The following GRK4 variants were observed in gnomAD, a reference collection of about 807,000 sequenced individuals.
GRK4 encodes the protein G protein-coupled receptor kinase 2-like.
GRK4 carries 73 observed loss-of-function variants against 77.9 expected under a neutral mutation model. The ratio of observed to expected loss-of-function variants is 0.94; its 90% CI spans 0.78 to 1.14. The LOEUF (loss-of-function observed/expected upper bound fraction) is 1.14, where lower values mean the gene tolerates loss of function less well. Among genes scored for constraint, GRK4 ranks in the 50% most tolerant of loss-of-function variants. The pLI, the probability that GRK4 is intolerant of heterozygous loss-of-function variation, is 0.00. For synonymous variants in GRK4, 257 were observed against 254.4 expected (o/e 1.01, Z -0.10); for missense variants, 729 against 700.2 (o/e 1.04, Z -0.46).
chr4:3,014,554 G>T (rs1733904885), intron 8 of GRK4, among the ~76,000 whole-genome samples: 1 of 152,018 alleles, frequency 6.6e-6, no homozygotes, highest in African/African-American at 2.4e-5. Context: ...ACCACTTAGG[G>T]AGGCCAAGGA....
rs1723718311 is a variant in GRK4 at position 2,984,539 on chromosome 4, A to G, written c.79A>G (p.Ser27Gly). ...AGGATATGGCAAAAAAAGTGGTCGT[A>G]GTAAAAAATGGAAGGAGATACTGAC... The part of the protein sequence containing the change: ...QGGYGKKSGR[S>G]KKWKEILTLP... Residue 27 changes from serine to glycine, a missense_variant, in exon 2 of 16, where the codon AGT becomes GGT. Coordinates refer to ENST00000398052, the MANE Select transcript of GRK4 (RefSeq NM_182982.3). The G allele has an allele frequency of 6.2e-7, 1 of 1,613,184 alleles. No individual in the cohort carries two copies. Among genetic ancestry groups the G allele is most frequent in the African/African-American group, 1.3e-5 (1 of 74,928 alleles).
At chr4:2,999,500 C>G (rs1041938082) in intron 4 of GRK4, among the ~76,000 whole-genome samples, 2 of 152,196 alleles carry the variant, frequency 1.3e-5, no homozygotes, top group African/African-American at 4.8e-5. Context: ...ATTGCCTTAT[C>G]ACAAGGATGC....
chr4:3,024,887 A>G (rs1440217892), intron 10 of GRK4, among the ~76,000 whole-genome samples: 1 of 152,110 alleles, frequency 6.6e-6, no homozygotes, highest in Non-Finnish European at 1.5e-5. Flanking sequence ...AACAACAACA[A>G]CAACAAAACC....
intron 3 of GRK4, 117 bp from the exon 4 acceptor site, chr4:2,992,098 G>A (rs1367547575): frequency 1.8e-6 from 1 of 567,384 alleles, no homozygotes; most frequent in Middle Eastern, 4.5e-4. Context: ...GGCTGGCCTC[G>A]AACTCTTGAG....
At chr4:3,038,987 AG>A (rs1198425621) in intron 15 of GRK4, 1 of 153,316 alleles carries the variant, frequency 6.5e-6, no homozygotes, top group Non-Finnish European at 1.4e-5. Context: ...AGGCCGAGGC[AG>A]GTGGATCACC....
intron 1 of GRK4, among the ~76,000 whole-genome samples, chr4:2,974,028 T>C (rs977815761): frequency 1.3e-5 from 2 of 152,170 alleles, no homozygotes; most frequent in East Asian, 1.9e-4. Context: ...ACTCTTTTTT[T>C]CCTTGGAGAC....
intron 15 of GRK4, 46 bp downstream of exon 15, chr4:3,038,559 A>G: frequency 6.4e-7 from 1 of 1,560,916 alleles, no homozygotes; most frequent in South Asian, 1.2e-5. Flanking sequence ...TGTGAAAAAA[A>G]AAAAAACATA....
chr4:3,022,360 G>T, intron 9 of GRK4, 54 bp from the exon 10 acceptor site: 1 of 1,574,806 alleles, frequency 6.3e-7, no homozygotes, highest in South Asian at 1.1e-5. Context: ...GGGTACTCAG[G>T]AATCACAGTG....
intron 7 of GRK4, 130 bp from the exon 8 acceptor site, chr4:3,013,558 C>A: frequency 9.5e-7 from 1 of 1,054,092 alleles, no homozygotes; most frequent in Non-Finnish European, 1.4e-6. Flanking sequence ...ACCTTTGAAA[C>A]GGTCTCGGCT....
chr4:2,964,262 C>A, intron 1 of GRK4, 140 bp downstream of exon 1: 1 of 780,120 alleles, frequency 1.3e-6, no homozygotes, highest in South Asian at 1.7e-5. Flanking sequence ...ACTGGGGGAA[C>A]CCAGATCTGC....
At chr4:3,019,982 A>G in intron 9 of GRK4, 151 bp downstream of exon 9, 2 of 709,436 alleles carry the variant, frequency 2.8e-6, no homozygotes, top group Non-Finnish European at 2.3e-6. Flanking sequence ...GGTCACTTAC[A>G]CTATTGGAAA....
intron 4 of GRK4, among the ~76,000 whole-genome samples, chr4:2,999,244 G>A (rs1043004064): frequency 4.6e-5 from 7 of 152,242 alleles, no homozygotes; most frequent in East Asian, 3.9e-4. Context: ...GTATGCACAC[G>A]CCTGGGTGGG....
chr4:3,034,493 C>T (rs969857850), intron 12 of GRK4, among the ~76,000 whole-genome samples: 1 of 152,156 alleles, frequency 6.6e-6, no homozygotes, highest in Non-Finnish European at 1.5e-5. Flanking sequence ...TGTGGTTTCC[C>T]AAGCCCAGGT....
rs188628063 is a variant in GRK4 at position 3,017,624 on chromosome 4, C to T, written c.742-2017C>T. Among the ~76,000 whole-genome samples, 7 of 152,302 alleles carry T rather than the reference C, an allele frequency of 4.6e-5. No individual in the cohort carries two copies. In the East Asian group the frequency reaches 1.3e-3, roughly 29 times the overall value. On this transcript the variant is annotated intron_variant, in intron 8 of 15. Transcript: ENST00000398052. ...TCTGTTGCATGCCGGCTGGGGCCTC[C>T]TCTCCTCCATTCTCAGCACCTCTGT... is the stretch of plus-strand genomic sequence containing the variant.
chr4:2,984,212 A>G (rs553820109), intron 1 of GRK4, among the ~76,000 whole-genome samples: 1 of 152,180 alleles, frequency 6.6e-6, no homozygotes, highest in African/African-American at 2.4e-5. Flanking sequence ...TATTTCTTTG[A>G]TAAATACTTA....
intron 10 of GRK4, among the ~76,000 whole-genome samples, chr4:3,025,387 ATTT>A (rs71180111): frequency 1.8e-5 from 2 of 112,218 alleles, no homozygotes. Context: ...TAGCGATCTA[ATTT>A]TTTTTTTTTT....
At chr4:2,965,871 G>C (rs1056094) in intron 1 of GRK4, 74,277 of 206,094 alleles carry the variant, frequency 0.36, 14,665 homozygotes, top group African/African-American at 0.5. Flanking sequence ...TCTTATCCCT[G>C]ACTGTGAACT....
rs1209217865 is a variant in GRK4, at chr4:3,030,489, T to C, written c.1269+1080T>C. Among the ~76,000 whole-genome samples, 5 of 152,290 alleles carry C rather than the reference T, an allele frequency of 3.3e-5. No homozygotes were observed. In the East Asian group the frequency reaches 9.6e-4, roughly 29 times the overall value. On this transcript the variant is annotated intron_variant, in intron 12 of 15. Transcript: ENST00000398052. ...ATCTTGTATGTTCCAGGCACCGTCC[T>C]AGGCATTGGGGGAAACAGCAGCAAA...
chr4:3,026,094 G>A (rs76546417), intron 10 of GRK4, among the ~76,000 whole-genome samples: 1,692 of 152,294 alleles, frequency 0.011, 28 homozygotes, highest in African/African-American at 0.039. Flanking sequence ...GAGAGCCTTG[G>A]GCACATGTAA....
Sources: allele counts gnomAD v4.1 joint callset (sites outside exome capture counted in the v4.1 genomes callset), GRCh38; gene constraint gnomAD v4.1.1; transcripts MANE v1.5; gene names NCBI Gene and HGNC (gene_info 2026-07-23, HGNC 2026-07-21).